Variants in FBXW4 observed in about 807,000 individuals in gnomAD.
FBXW4 encodes the protein F-box and WD repeat domain containing 4.
FBXW4 carries 40 observed loss-of-function variants against 61.8 expected under a neutral mutation model. That is an observed-to-expected ratio of 0.65 (90% CI 0.50 to 0.84). FBXW4 has a LOEUF of 0.84. Among genes scored for constraint, FBXW4 ranks in the 40% least tolerant of loss-of-function variants. FBXW4 has a pLI of 0.00. For missense variants in FBXW4, 672 were observed against 753.8 expected, an observed-to-expected ratio of 0.89 and a Z score of 1.27; for synonymous variants, 311 against 313.8, an observed-to-expected ratio of 0.99 and a Z score of 0.10.
intron 5 of FBXW4, among the ~76,000 whole-genome samples, chr10:101,635,701 T>C (rs2063995323): frequency 6.6e-6 from 1 of 151,968 alleles, no homozygotes; most frequent in African/African-American, 2.4e-5. Context: ...CTGAGTGTGG[T>C]GGCATGCACC....
intron 1 of FBXW4, among the ~76,000 whole-genome samples, chr10:101,684,405 C>T (rs1479811870): frequency 6.6e-6 from 1 of 152,134 alleles, no homozygotes; most frequent in Non-Finnish European, 1.5e-5. Flanking sequence ...GGATTACAGG[C>T]GTGAGCCACT....
chr10:101,658,361 A>G lies in FBXW4; in HGVS notation c.1235+9525T>C, dbSNP rs140109926. 3.2e-4 allele frequency among the ~76,000 whole-genome samples: 49 copies of G among 152,280 alleles called. No individual in the cohort carries two copies. The East Asian group carries it at 7.9e-3, about 25-fold the overall frequency. On this transcript the variant is annotated intron_variant, in intron 5 of 8. Transcript: ENST00000331272. ...GGAGTTCAAGACCAGCCTGCCCAAC[A>G]TGGTGAAACCCCGTCTCTACTAAAA...
Position 101,694,813 on chromosome 10 carries a change from A to G in FBXW4, c.293T>C (p.Ile98Thr). Reference protein sequence around the residue: ...GRSVEEGARGIVKGVEGSAGA... With the variant: ...GRSVEEGARGTVKGVEGSAGA... Reference sequence around the variant, plus strand: ...TGCGCTCCCCTCGACTCCCTTGACGATGCCTCTCGCCCCTTCCTCCACGCT... The same window carrying G: ...TGCGCTCCCCTCGACTCCCTTGACGGTGCCTCTCGCCCCTTCCTCCACGCT... Residue 98 changes from isoleucine (I) to threonine (T), a missense_variant, in exon 1 of 9, where the codon ATC becomes ACC. Around this residue, in one of 5 missense-constraint regions of FBXW4, gnomAD observed 311 missense variants for 301.1 expected, o/e 1.03. Coordinates refer to ENST00000331272, the MANE Select transcript of FBXW4 (RefSeq NM_022039.4). This position sits in a 1 kb window ranked among gnomAD's most constrained non-coding sequence, Gnocchi z 6.0. 1 of 1,322,666 alleles carries G rather than the reference A, an allele frequency of 7.6e-7. No individual in the cohort carries two copies. Among genetic ancestry groups the G allele is most frequent in the Non-Finnish European group, 9.6e-7 (1 of 1,041,458 alleles). The allele number at this position is 1,322,666 out of a possible 1,614,324, so 81.9% of individuals were successfully genotyped here. A position where few individuals can be genotyped will look rare whatever the true frequency, so the allele number is the denominator to read the frequency against.
Position 101,611,445 on chromosome 10 carries a change from T to G in FBXW4, c.1585-35A>C, listed in dbSNP as rs775822100. The G allele has an allele frequency of 2.5e-6, 4 of 1,604,570 alleles. No homozygotes were observed. The African/African-American group carries it at 5.4e-5, about 21-fold the overall frequency. Reference sequence around the variant, plus strand: ...AGGGCACAGGAAGTGGTAAGAGCTTTCCAAGTGGGACATGGGTGTGCCCTA... The same window carrying G: ...AGGGCACAGGAAGTGGTAAGAGCTTGCCAAGTGGGACATGGGTGTGCCCTA... On this transcript the variant is annotated intron_variant, in intron 8 of 8. Transcript: ENST00000331272. The surrounding 1 kb of genome is among the most constrained non-coding windows in gnomAD (Gnocchi z 4.9).
chr10:101,664,835 C>T (rs1016431519), intron 5 of FBXW4, among the ~76,000 whole-genome samples: 5 of 152,186 alleles, frequency 3.3e-5, no homozygotes, highest in African/African-American at 1.2e-4. Context: ...ATGCATAACA[C>T]ATATATTACA....
chr10:101,620,797 T>G (rs1228203395), intron 6 of FBXW4, among the ~76,000 whole-genome samples: 1 of 152,176 alleles, frequency 6.6e-6, no homozygotes, highest in Non-Finnish European at 1.5e-5. Flanking sequence ...CTCATACCTA[T>G]TCTCATTAGA....
chr10:101,652,798 G>A (rs1406748320), intron 5 of FBXW4, among the ~76,000 whole-genome samples: 5 of 152,130 alleles, frequency 3.3e-5, no homozygotes, highest in African/African-American at 9.7e-5. Flanking sequence ...AGTTGCCCCC[G>A]AATTACTCAT....
intron 5 of FBXW4, among the ~76,000 whole-genome samples, chr10:101,634,560 T>C (rs1285991627): frequency 6.7e-6 from 1 of 149,242 alleles, no homozygotes; most frequent in African/African-American, 2.5e-5. Flanking sequence ...AATAGATCAG[T>C]GGATCAGAAT....
At chr10:101,680,710 A>C in intron 1 of FBXW4, among the ~76,000 whole-genome samples, 1 of 152,248 alleles carries the variant, frequency 6.6e-6, no homozygotes, top group Non-Finnish European at 1.5e-5. Flanking sequence ...ATTTGGTTAC[A>C]TGTTGCTTAT....
At chr10:101,672,801 T>C in intron 4 of FBXW4, 114 bp downstream of exon 4, 1 of 1,317,674 alleles carries the variant, frequency 7.6e-7, no homozygotes, top group Non-Finnish European at 1.0e-6. Flanking sequence ...ATTGTGTCGT[T>C]TTCTCCCCTG....
chr10:101,684,019 A>C (rs1378959878), intron 1 of FBXW4, among the ~76,000 whole-genome samples: 2 of 152,204 alleles, frequency 1.3e-5, no homozygotes, highest in Non-Finnish European at 2.9e-5. Context: ...GCTGGAGTGC[A>C]GTAGCACAAT....
Position 101,676,369 on chromosome 10 carries a change from C to CG in FBXW4, c.792_793insC (p.Glu265ArgfsTer20). 6.2e-7 allele frequency: 1 copy of CG among 1,613,662 alleles called. No homozygotes were observed. The highest frequency in any genetic ancestry group is 1.7e-5 in the Admixed American group (1 of 59,942). ...CATCTCCACTTCAGCAGAATCCCCTCTCGGCAGCGCCCCAGTCTCCAGTTC... is the reference window on the plus strand; with the variant it reads ...CATCTCCACTTCAGCAGAATCCCCTCGTCGGCAGCGCCCCAGTCTCCAGTTC... On this transcript the variant is annotated frameshift_variant, in exon 2 of 9. Transcript: ENST00000331272. LOFTEE classifies it high-confidence loss of function.
At chr10:101,656,217 C>G (rs2064184059) in intron 5 of FBXW4, among the ~76,000 whole-genome samples, 1 of 152,176 alleles carries the variant, frequency 6.6e-6, no homozygotes, top group Admixed American at 6.5e-5. Context: ...AGAAACCAGT[C>G]TGAAGCTTCT....
chr10:101,645,446 G>A (rs1414714795), intron 5 of FBXW4, among the ~76,000 whole-genome samples: 1 of 152,202 alleles, frequency 6.6e-6, no homozygotes, highest in African/African-American at 2.4e-5. Flanking sequence ...TGTCTCACTT[G>A]TACAGGACAC....
At chr10:101,653,663 T>C (rs1001184399) in intron 5 of FBXW4, among the ~76,000 whole-genome samples, 1 of 152,232 alleles carries the variant, frequency 6.6e-6, no homozygotes, top group Non-Finnish European at 1.5e-5. Flanking sequence ...ACCCCAGTAG[T>C]TGCTAGCACT....
chr10:101,658,878 T>C (rs939744360), intron 5 of FBXW4, among the ~76,000 whole-genome samples: 1 of 151,984 alleles, frequency 6.6e-6, no homozygotes, highest in African/African-American at 2.4e-5. Context: ...CTGATCTGAG[T>C]GTTACAGCTA....
At chr10:101,659,258 A>G (rs2064220417) in intron 5 of FBXW4, 1 of 397,354 alleles carries the variant, frequency 2.5e-6, no homozygotes, top group South Asian at 1.0e-4. Context: ...GAGGGTGTCC[A>G]CCTGTTCACA....
intron 5 of FBXW4, among the ~76,000 whole-genome samples, chr10:101,639,861 G>A (rs778676945): frequency 2.0e-5 from 3 of 152,230 alleles, no homozygotes; most frequent in Non-Finnish European, 4.4e-5. Flanking sequence ...TTTCAGTTCT[G>A]CCTTTGGCTT....
At chr10:101,681,455 C>T (rs2064475217) in intron 1 of FBXW4, among the ~76,000 whole-genome samples, 1 of 149,954 alleles carries the variant, frequency 6.7e-6, no homozygotes, top group African/African-American at 2.5e-5. Flanking sequence ...CGGTGGCTCA[C>T]GCCTGTAATC....
Sources: gnomAD v4.1 joint callset for allele counts (sites outside exome capture counted in the v4.1 genomes callset) on GRCh38, gnomAD v4.1.1 for gene constraint, gnomAD v4.1.1 regional missense constraint, Gnocchi (gnomAD v3.1) non-coding constraint, MANE v1.5 for transcripts, NCBI Gene and HGNC (gene_info 2026-07-23, HGNC 2026-07-21) for gene names.